The following GLT1D1 variants were observed in gnomAD, a reference collection of about 807,000 sequenced individuals.
GLT1D1 encodes glycosyltransferase 1 domain-containing protein 1.
In GLT1D1, 21 loss-of-function variants were observed where a neutral mutation model predicts 28.7. The ratio of observed to expected loss-of-function variants is 0.73; its 90% confidence interval spans 0.52 to 1.05. The LOEUF is 1.05. Among genes scored for constraint, GLT1D1 ranks in the 50% least tolerant of loss-of-function variants. The pLI, the probability that GLT1D1 is intolerant of heterozygous loss-of-function variation, is 0.00. For missense variants in GLT1D1, 343 were observed against 330.6 expected, an observed-to-expected ratio of 1.04 and a Z score of -0.29; for synonymous variants, 147 against 124.8, an observed-to-expected ratio of 1.18 and a Z score of -1.19.
chr12:128,930,671 G>A (rs187616267), intron 4 of GLT1D1, among the ~76,000 whole-genome samples: 6 of 152,264 alleles, frequency 3.9e-5, no homozygotes, highest in Non-Finnish European at 7.3e-5. Context: ...TCAGGAAGCT[G>A]GTACGGGGGG....
chr12:128,919,360 G>C (rs1283430592), intron 4 of GLT1D1, among the ~76,000 whole-genome samples: 1 of 152,144 alleles, frequency 6.6e-6, no homozygotes, highest in Non-Finnish European at 1.5e-5. Context: ...GGTGGGAAGG[G>C]CTTCATTTAA....
Position 128,983,276 on chromosome 12 carries a change from A to G in GLT1D1, c.*186A>G. On this transcript the variant is annotated 3_prime_UTR_variant, in exon 8 of 8. Coordinates refer to ENST00000281703, the MANE Select transcript of GLT1D1 (RefSeq NM_144669.3). The surrounding 1 kb of genome is among the most constrained non-coding windows in gnomAD (Gnocchi z 4.7). ...ATCCCATATCCTTCTGTGCGTTCAGATGCTGTCCCAGGCGTGTTCACCAGC... is the reference window on the plus strand; with the variant it reads ...ATCCCATATCCTTCTGTGCGTTCAGGTGCTGTCCCAGGCGTGTTCACCAGC... 1.7e-6 allele frequency: 1 copy of G among 582,612 alleles called. No individual in the cohort carries two copies. The highest frequency in any genetic ancestry group is 2.8e-5 in the East Asian group (1 of 35,094). The allele number at this position is 582,612 out of a possible 1,614,324, so 36.1% of individuals were successfully genotyped here. A position where few individuals can be genotyped will look rare whatever the true frequency, so the allele number is the denominator to read the frequency against.
Position 128,875,989 on chromosome 12 carries a change from A to C in GLT1D1, c.144A>C (p.Ala48=), listed in dbSNP as rs779706838. The C allele has an allele frequency of 1.2e-6, 2 of 1,613,992 alleles. No homozygotes were observed. Among genetic ancestry groups the C allele is most frequent in the South Asian group, 2.2e-5 (2 of 91,080 alleles). Reference sequence around the variant, plus strand: ...ACTTTGAAAGCCGATCTGAGATTGCAAACCTCATCTTGGCTGAGAACTGCG... The same window carrying C: ...ACTTTGAAAGCCGATCTGAGATTGCCAACCTCATCTTGGCTGAGAACTGCG... The change falls in exon 2 of 8, where the codon GCA becomes GCC. Residue 48 remains alanine, a synonymous_variant. Coordinates refer to ENST00000281703, the MANE Select transcript of GLT1D1 (RefSeq NM_144669.3).
rs1368012620 is a variant in GLT1D1 at position 128,931,917 on chromosome 12, G to GCACGCA, written c.376-13406_376-13405insGCACAC. On this transcript the variant is annotated intron_variant, in intron 4 of 7. Coordinates refer to ENST00000281703, the MANE Select transcript of GLT1D1 (RefSeq NM_144669.3). ...TGAGGATATGTGCACACACACGCAC[G>GCACGCA]CACACACACACACACACACACACAA... Among the ~76,000 whole-genome samples the GCACGCA allele has an allele frequency of 7.1e-3, 1,004 of 141,096 alleles. 13 individuals are homozygous for GCACGCA. Among genetic ancestry groups the GCACGCA allele is most frequent in the African/African-American group, 0.024 (915 of 38,786 alleles). The allele number at this position is 141,096 out of a possible 152,430, so 92.6% of individuals were successfully genotyped here. A position where few individuals can be genotyped will look rare whatever the true frequency, so the allele number is the denominator to read the frequency against.
intron 4 of GLT1D1, among the ~76,000 whole-genome samples, chr12:128,908,406 T>C (rs647354): frequency 0.41 from 54,549 of 133,708 alleles, 10,491 homozygotes; most frequent in East Asian, 0.46. Flanking sequence ...CTCTCTCTCT[T>C]TCTTTCTTTC....
intron 4 of GLT1D1, among the ~76,000 whole-genome samples, chr12:128,932,547 T>C (rs1423542562): frequency 6.6e-6 from 1 of 152,202 alleles, no homozygotes; most frequent in East Asian, 1.9e-4. Context: ...ACGAGGCACT[T>C]TGCTGTCTAT....
At chr12:128,908,725 G>T (rs573681833) in intron 4 of GLT1D1, among the ~76,000 whole-genome samples, 52 of 151,920 alleles carry the variant, frequency 3.4e-4, no homozygotes, top group African/African-American at 1.2e-3. Flanking sequence ...CGAGGAGGGC[G>T]GATCACGAGG....
At chr12:128,923,097 TGG>T (rs1329214414) in intron 4 of GLT1D1, among the ~76,000 whole-genome samples, 1 of 152,144 alleles carries the variant, frequency 6.6e-6, no homozygotes, top group Non-Finnish European at 1.5e-5. Flanking sequence ...TTGCTCCCGT[TGG>T]GTATTAATTT....
At chr12:128,942,625 A>G (rs1273916871) in intron 4 of GLT1D1, among the ~76,000 whole-genome samples, 1 of 151,586 alleles carries the variant, frequency 6.6e-6, no homozygotes, top group Non-Finnish European at 1.5e-5. Flanking sequence ...AGACGCCATC[A>G]GGTTTTCCGT....
At chr12:128,931,158 C>T (rs1433627006) in intron 4 of GLT1D1, among the ~76,000 whole-genome samples, 9 of 151,884 alleles carry the variant, frequency 5.9e-5, no homozygotes, top group African/African-American at 1.5e-4. Context: ...CGTGCTACCA[C>T]GCCTGGCTAA....
chr12:128,867,945 C>A (rs1052674427), intron 1 of GLT1D1, among the ~76,000 whole-genome samples: 1 of 152,172 alleles, frequency 6.6e-6, no homozygotes, highest in African/African-American at 2.4e-5. Flanking sequence ...TATAAACTAA[C>A]AATAAGGGCG....
intron 6 of GLT1D1, 35 bp downstream of exon 10, chr12:128,947,493 G>A (rs1690909647): frequency 2.5e-6 from 4 of 1,612,536 alleles, no homozygotes; most frequent in Middle Eastern, 1.6e-4. Flanking sequence ...AAGTGGGAGT[G>A]TGAAATTGTC....
At chr12:128,914,941 A>G in intron 4 of GLT1D1, 1 of 1,536,070 alleles carries the variant, frequency 6.5e-7, no homozygotes, top group Non-Finnish European at 8.7e-7. Context: ...AGGAATTGCA[A>G]CAACACCAAA....
intron 6 of GLT1D1, among the ~76,000 whole-genome samples, chr12:128,947,708 CCT>C (rs575121810): frequency 2.9e-3 from 441 of 152,322 alleles, no homozygotes; most frequent in African/African-American, 9.8e-3. Flanking sequence ...GATAGCATTG[CCT>C]CTCTGACCTT....
chr12:128,855,035 C>A (rs1198685570), intron 1 of GLT1D1, among the ~76,000 whole-genome samples: 1 of 151,906 alleles, frequency 6.6e-6, no homozygotes, highest in African/African-American at 2.4e-5. Flanking sequence ...TTGGATGAAC[C>A]AGCATCCCAG....
At chr12:128,935,715 C>T (rs770266184) in intron 4 of GLT1D1, among the ~76,000 whole-genome samples, 7 of 152,148 alleles carry the variant, frequency 4.6e-5, no homozygotes, top group African/African-American at 7.2e-5. Flanking sequence ...ATCCTCCCAC[C>T]TTAGCCTCCC....
chr12:128,958,748 C>CA (rs71072431), intron 7 of GLT1D1, among the ~76,000 whole-genome samples: 539 of 42,664 alleles, frequency 0.013, 50 homozygotes, highest in African/African-American at 0.026. Flanking sequence ...GACTCTGCCT[C>CA]AAAAAAAAAA....
In GLT1D1 at chr12:128,982,837, C is replaced by T. The variant is rs1268519928; in HGVS notation, c.640-92C>T. 8.3e-6 allele frequency: 10 copies of T among 1,201,792 alleles called. No homozygotes were observed. The Admixed American group carries it at 1.7e-4, about 20-fold the overall frequency. The allele number at this position is 1,201,792 out of a possible 1,614,324, so 74.4% of individuals were successfully genotyped here. On this transcript the variant is annotated intron_variant, in intron 7 of 7. Coordinates refer to ENST00000281703, the MANE Select transcript of GLT1D1 (RefSeq NM_144669.3). Reference sequence around the variant, plus strand: ...GCCCAGGAGGCAGACAAGGGCAAGGCCAGCAGCCAATGCAGACACAGGATC... The same window carrying T: ...GCCCAGGAGGCAGACAAGGGCAAGGTCAGCAGCCAATGCAGACACAGGATC...
chr12:128,930,324 C>G (rs1873727566), intron 4 of GLT1D1: 1 of 152,224 alleles, frequency 6.6e-6, no homozygotes, highest in African/African-American at 2.4e-5. Context: ...CAGGCAACAA[C>G]AGTATCTAGA....
Sources: gnomAD v4.1 joint callset for allele counts (sites outside exome capture counted in the v4.1 genomes callset) on GRCh38, gnomAD v4.1.1 for gene constraint, Gnocchi (gnomAD v3.1) non-coding constraint, MANE v1.5 for transcripts, NCBI Gene and HGNC (gene_info 2026-07-23, HGNC 2026-07-21) for gene names.